PCDHGA7: variants seen among roughly 807,000 people sequenced by gnomAD.
PCDHGA7 encodes protocadherin gamma-A7.
In PCDHGA7, 44 loss-of-function variants were observed where a neutral mutation model predicts 58.3. That is an observed-to-expected ratio of 0.75 (90% confidence interval 0.59 to 0.97). The LOEUF (loss-of-function observed/expected upper bound fraction) is 0.97, where lower values mean the gene tolerates loss of function less well. PCDHGA7 is among the 50% of genes least tolerant of loss of function. The probability of loss-of-function intolerance (pLI) is 0.00; values close to 1 mark genes in which losing one functional copy is unlikely to be tolerated. For synonymous variants in PCDHGA7, 516 were observed against 504.2 expected (o/e 1.02, Z -0.31); for missense variants, 1,266 against 1,188.7 (o/e 1.06, Z -0.96).
At position 141,491,299 on chromosome 5, in the gene PCDHGA7, C is replaced by T. The variant is rs777271881; in HGVS notation, c.2425-3508C>T. ...TGACTTCCTCATACACCCTCCTGAG[C>T]GTTCAGACCTTACCCTTTACCTCAT... On this transcript the variant is annotated intron_variant, in intron 1 of 3. Transcript: ENST00000518325. This position sits in a 1 kb window ranked among gnomAD's most constrained non-coding sequence, Gnocchi z 6.9. 3.7e-6 allele frequency: 6 copies of T among 1,614,068 alleles called. No individual in the cohort carries two copies. Among genetic ancestry groups the T allele is most frequent in the Non-Finnish European group, 5.1e-6 (6 of 1,179,896 alleles).
chr5:141,393,635 C>T, intron 1 of PCDHGA7: 2 of 1,613,868 alleles, frequency 1.2e-6, no homozygotes, highest in East Asian at 4.5e-5. Context: ...AGGGAATCAA[C>T]GGAAAAGTGG....
At chr5:141,510,887 G>C (rs2099883217) in intron 3 of PCDHGA7, 60 bp from the exon 4 acceptor site, 2 of 1,612,600 alleles carry the variant, frequency 1.2e-6, no homozygotes, top group East Asian at 4.5e-5. Context: ...GGGGATATAA[G>C]ACAGTGACTG....
At position 141,421,448 on chromosome 5, in the gene PCDHGA7, A is replaced by G. The variant is rs772957069; in HGVS notation, c.2424+36125A>G. On this transcript the variant is annotated intron_variant, in intron 1 of 3. Coordinates refer to ENST00000518325, the MANE Select transcript of PCDHGA7 (RefSeq NM_018920.4). ...CGCATCGTCTCCAGAGGGAAGACAC[A>G]GCTTTTCGCTGTGAATCCGCGAAGC... The G allele has an allele frequency of 7.8e-5, 126 of 1,614,014 alleles. No individual in the cohort carries two copies. The highest frequency in any genetic ancestry group is 1.0e-4 in the Non-Finnish European group (119 of 1,179,944).
intron 1 of PCDHGA7, chr5:141,419,381 A>T (rs1170271990): frequency 6.2e-7 from 1 of 1,613,544 alleles, no homozygotes; most frequent in Admixed American, 1.7e-5. Flanking sequence ...CGTGTCCGTG[A>T]GCGCGCAGAG....
rs757755103 is a variant in PCDHGA7 at position 141,432,638 on chromosome 5, C to T, written c.2424+47315C>T. 1.2e-6 allele frequency: 2 copies of T among 1,613,810 alleles called. No homozygotes were observed. Among genetic ancestry groups the T allele is most frequent in the Non-Finnish European group, 8.5e-7 (1 of 1,179,930 alleles). ...GGTGGGTCTGCACACGGGCGAGGTG[C>T]GCACGGCGCGAGCCCTGCTGGACAG... is the stretch of plus-strand genomic sequence containing the variant. On this transcript the variant is annotated intron_variant, in intron 1 of 3. Transcript: ENST00000518325. The surrounding 1 kb of genome is among the most constrained non-coding windows in gnomAD (Gnocchi z 6.0).
At position 141,405,211 on chromosome 5, in the gene PCDHGA7, T is replaced by G. The variant is rs756004707; in HGVS notation, c.2424+19888T>G. On this transcript the variant is annotated intron_variant, in intron 1 of 3. Coordinates refer to ENST00000518325, the MANE Select transcript of PCDHGA7 (RefSeq NM_018920.4). ...GGGTTCGAGCTTTCCTACAGACCTA[T>G]TCTCAGGAGTTCTCCCTCACCGCTG... The G allele has an allele frequency of 7.4e-6, 12 of 1,613,432 alleles. No homozygotes were observed. In the South Asian group the frequency reaches 1.2e-4, roughly 16 times the overall value.
At chr5:141,451,179 T>C (rs1039062167) in intron 1 of PCDHGA7, among the ~76,000 whole-genome samples, 6 of 152,162 alleles carry the variant, frequency 3.9e-5, no homozygotes, top group Non-Finnish European at 8.8e-5. Flanking sequence ...TATTTAGCCA[T>C]TGCTGTGTAA....
At chr5:141,465,714 C>T (rs1015102102) in intron 1 of PCDHGA7, among the ~76,000 whole-genome samples, 4 of 152,200 alleles carry the variant, frequency 2.6e-5, no homozygotes, top group Non-Finnish European at 5.9e-5. Context: ...AATGCCACCA[C>T]TTCCACCTCT....
At position 141,394,267 on chromosome 5, in the gene PCDHGA7, C is replaced by T. The variant is rs563732311; in HGVS notation, c.2424+8944C>T. 1.2e-5 allele frequency: 19 copies of T among 1,613,926 alleles called. No individual in the cohort carries two copies. In the South Asian group the frequency reaches 2.0e-4, roughly 17 times the overall value. On this transcript the variant is annotated intron_variant, in intron 1 of 3. Transcript: ENST00000518325. The stretch of plus-strand genomic sequence containing the variant: ...CACGACCCCGACAGCCAGGAGAATG[C>T]CCAGGTCACTTACTCTGTGACCGAG...
intron 1 of PCDHGA7, among the ~76,000 whole-genome samples, chr5:141,401,860 A>G (rs2094201565): frequency 6.6e-6 from 1 of 152,182 alleles, no homozygotes. Flanking sequence ...TTAACCTTTC[A>G]GTAGTTTTCT....
At position 141,477,118 on chromosome 5, in the gene PCDHGA7, A is replaced by T. The variant is rs2099405787; in HGVS notation, c.2425-17689A>T. The T allele has an allele frequency of 6.2e-7, 1 of 1,614,228 alleles. No homozygotes were observed. Among genetic ancestry groups the T allele is most frequent in the Non-Finnish European group, 8.5e-7 (1 of 1,180,034 alleles). On this transcript the variant is annotated intron_variant, in intron 1 of 3. Coordinates refer to ENST00000518325, the MANE Select transcript of PCDHGA7 (RefSeq NM_018920.4). This position sits in a 1 kb window ranked among gnomAD's most constrained non-coding sequence, Gnocchi z 4.9. ...ACAAGGGCGCCAATCCCGAAGGAGC[A>T]CATTGCAAAGTGTTGGTGGAGGTTG...
chr5:141,399,320 A>T (rs775357251), intron 1 of PCDHGA7: 2 of 1,614,010 alleles, frequency 1.2e-6, no homozygotes, highest in Non-Finnish European at 1.7e-6. Flanking sequence ...AAAAATTCGT[A>T]TAAGTTGGTA....
intron 1 of PCDHGA7, chr5:141,423,665 G>A: frequency 6.6e-7 from 1 of 1,512,226 alleles, no homozygotes; most frequent in Non-Finnish European, 8.9e-7. Flanking sequence ...AATCAGGTGA[G>A]ATTTATTTCT....
In PCDHGA7 at chr5:141,488,435, C is replaced by T. The variant is rs111661764; in HGVS notation, c.2425-6372C>T. Among the ~76,000 whole-genome samples, 87 of 152,276 alleles carry T rather than the reference C, an allele frequency of 5.7e-4. 1 individual carries two copies. The highest frequency in any genetic ancestry group is 1.6e-3 in the African/African-American group (67 of 41,546). On this transcript the variant is annotated intron_variant, in intron 1 of 3. Transcript: ENST00000518325. ...AAGCCATCCATGCTTGGCCTCTGAC[C>T]ACCCTCCTGGGTGACCTGATTCAGC...
chr5:141,496,499 G>A (rs1417059875), intron 2 of PCDHGA7, among the ~76,000 whole-genome samples: 1 of 152,102 alleles, frequency 6.6e-6, no homozygotes, highest in Non-Finnish European at 1.5e-5. Context: ...AACCCTTGTT[G>A]CCACAAGGAC....
rs1183309479 is a variant in PCDHGA7 at position 141,404,628 on chromosome 5, C to G, written c.2424+19305C>G. 1.9e-6 allele frequency: 3 copies of G among 1,614,100 alleles called. No homozygotes were observed. In the South Asian group the frequency reaches 3.3e-5, roughly 18 times the overall value. Reference sequence around the variant, plus strand: ...TTTGTTTTGGACCAGAATGACAATGCCCCAGAAATCCTGTACCCTGCCCTC... The same window carrying G: ...TTTGTTTTGGACCAGAATGACAATGGCCCAGAAATCCTGTACCCTGCCCTC... On this transcript the variant is annotated intron_variant, in intron 1 of 3. Transcript: ENST00000518325.
At chr5:141,388,126 G>T (rs531546122) in intron 1 of PCDHGA7, 7 of 1,431,030 alleles carry the variant, frequency 4.9e-6, no homozygotes, top group East Asian at 2.4e-5. Flanking sequence ...AGCGCAGAGA[G>T]CGGGGAGTTG....
Position 141,511,315 on chromosome 5 carries a change from G to A in PCDHGA7, c.*142G>A. ...AAGGCCATGCTCCCCTTGGGAAACA[G>A]AAACAAGTGCCCAGTCAGCACCTAC... On this transcript the variant is annotated 3_prime_UTR_variant, in exon 4 of 4. Coordinates refer to ENST00000518325, the MANE Select transcript of PCDHGA7 (RefSeq NM_018920.4). 6.8e-7 allele frequency: 1 copy of A among 1,481,384 alleles called. No individual in the cohort carries two copies. Among genetic ancestry groups the A allele is most frequent in the Non-Finnish European group, 9.0e-7 (1 of 1,110,974 alleles). 91.8% of individuals were successfully genotyped at this position (1,481,384 alleles called of 1,614,324 possible).
chr5:141,436,393 A>G (rs560164691), intron 1 of PCDHGA7, among the ~76,000 whole-genome samples: 2 of 152,342 alleles, frequency 1.3e-5, no homozygotes, highest in South Asian at 4.1e-4. Context: ...GCTTTATTAA[A>G]TAGTTGTTGA....
Sources: allele counts gnomAD v4.1 joint callset (sites outside exome capture counted in the v4.1 genomes callset), GRCh38; gene constraint gnomAD v4.1.1; non-coding constraint Gnocchi (gnomAD v3.1); transcripts MANE v1.5; gene names NCBI Gene and HGNC (gene_info 2026-07-23, HGNC 2026-07-21).